Variants in PSD3 observed in about 807,000 individuals in gnomAD.
The protein encoded by PSD3 is pleckstrin and Sec7 domain containing 3.
A neutral mutation model predicts 105.5 loss-of-function variants in PSD3; 49 were observed. The observed-to-expected ratio is 0.46, with a 90% CI of 0.37 to 0.59. The LOEUF (loss-of-function observed/expected upper bound fraction) is 0.59. Ranked by LOEUF, PSD3 falls within the 20% of genes least tolerant of loss-of-function variation. The pLI is 0.00. For missense variants in PSD3, 1,561 were observed against 1,263.8 expected (o/e 1.24, Z -3.57); for synonymous variants, 557 against 457.8 (o/e 1.22, Z -2.77).
intron 12 of PSD3, among the ~76,000 whole-genome samples, chr8:18,582,714 T>C (rs937945569): frequency 4.0e-5 from 6 of 151,826 alleles, no homozygotes; most frequent in Non-Finnish European, 4.4e-5. Context: ...GAGCTATGTT[T>C]CCCCCTCCAT....
chr8:18,602,080 A>G (rs1804478860), intron 11 of PSD3, among the ~76,000 whole-genome samples: 1 of 152,200 alleles, frequency 6.6e-6, no homozygotes, highest in Non-Finnish European at 1.5e-5. Context: ...TAATGCTGGA[A>G]TGGAACCTGG....
rs548759983 is a variant in PSD3, at chr8:18,775,542, G to T, written c.2083-10004C>A. 8.6e-5 allele frequency among the ~76,000 whole-genome samples: 13 copies of T among 151,988 alleles called. No homozygotes were observed. The South Asian group carries it at 2.5e-3, about 29-fold the overall frequency. ...TTTTGATAAAAACCATTTTAACTCG[G>T]GTAAAATGATATCTCCTGTGGTTTT... On this transcript the variant is annotated intron_variant, in intron 8 of 15. Transcript: ENST00000327040.
intron 8 of PSD3, among the ~76,000 whole-genome samples, chr8:18,787,832 A>G (rs1809325074): frequency 6.6e-6 from 1 of 152,224 alleles, no homozygotes; most frequent in Non-Finnish European, 1.5e-5. Flanking sequence ...ACATTCCCAT[A>G]AACAATTTTT....
intron 11 of PSD3, among the ~76,000 whole-genome samples, chr8:18,607,857 G>A (rs2130621758): frequency 6.6e-6 from 1 of 152,154 alleles, no homozygotes; most frequent in African/African-American, 2.4e-5. Flanking sequence ...CGGCAGAAGG[G>A]GAAATGATTA....
At chr8:18,592,528 T>C (rs958792048) in intron 12 of PSD3, among the ~76,000 whole-genome samples, 6 of 152,112 alleles carry the variant, frequency 3.9e-5, no homozygotes, top group Non-Finnish European at 8.8e-5. Flanking sequence ...CCAGGATTAA[T>C]GGAAATAAAT....
chr8:18,838,371 G>C (rs1814309122), intron 4 of PSD3, among the ~76,000 whole-genome samples: 1 of 152,146 alleles, frequency 6.6e-6, no homozygotes, highest in South Asian at 2.1e-4. Context: ...ACCCTCCTTT[G>C]TGTCTTCTGC....
chr8:18,821,122 A>C (rs1412330626), intron 4 of PSD3, among the ~76,000 whole-genome samples: 1 of 152,152 alleles, frequency 6.6e-6, no homozygotes, highest in Admixed American at 6.6e-5. Context: ...ACATTCAAAC[A>C]ATGACGGCAT....
At chr8:18,736,338 T>C (rs557107986) in intron 9 of PSD3, among the ~76,000 whole-genome samples, 3 of 152,212 alleles carry the variant, frequency 2.0e-5, no homozygotes, top group African/African-American at 7.2e-5. Context: ...CCCTCAAGGG[T>C]TACTGAAAGA....
chr8:19,036,018 G>T (rs962841311), intron 1 of PSD3, among the ~76,000 whole-genome samples: 1 of 152,094 alleles, frequency 6.6e-6, no homozygotes, highest in African/African-American at 2.4e-5. Context: ...GCCTCCCAAA[G>T]TGCTGGGATT....
chr8:18,789,144 T>C (rs1005244648), intron 8 of PSD3, among the ~76,000 whole-genome samples: 3 of 152,174 alleles, frequency 2.0e-5, no homozygotes, highest in Admixed American at 6.5e-5. Flanking sequence ...GAACTAAAAA[T>C]AGTACCACAG....
Position 19,082,054 on chromosome 8 carries a change from T to A in PSD3, c.324+2152A>T, listed in dbSNP as rs546182523. 5.3e-5 allele frequency among the ~76,000 whole-genome samples: 8 copies of A among 152,328 alleles called. No homozygotes were observed. The South Asian group carries it at 1.7e-3, about 32-fold the overall frequency. On this transcript the variant is annotated intron_variant, in intron 1 of 1. Coordinates refer to the PSD3 transcript ENST00000521475. ...CTTTGCGACAATTCATATAGCTACA[T>A]TCTAAAACATGAAAGGATTGAGTAA...
At chr8:18,667,517 C>CTG (rs1799541179) in intron 9 of PSD3, among the ~76,000 whole-genome samples, 1 of 152,188 alleles carries the variant, frequency 6.6e-6, no homozygotes, top group Admixed American at 6.5e-5. Flanking sequence ...TCCACAAACC[C>CTG]TGAGGTAGAC....
chr8:19,055,402 C>T (rs1036209656), intron 1 of PSD3, among the ~76,000 whole-genome samples: 2 of 152,088 alleles, frequency 1.3e-5, no homozygotes, highest in Non-Finnish European at 2.9e-5. Flanking sequence ...TACAGGCGCC[C>T]GCCACGACGC....
intron 1 of PSD3, among the ~76,000 whole-genome samples, chr8:18,966,090 A>T (rs113596203): frequency 8.6e-5 from 13 of 151,392 alleles, no homozygotes; most frequent in African/African-American, 3.2e-4. Context: ...TACAGCTAGC[A>T]CTCAGTCAGA....
rs75825817 is a variant in PSD3 at position 18,938,863 on chromosome 8, G to A, written c.22-2721C>T. Among the ~76,000 whole-genome samples, 309 of 152,208 alleles carry A rather than the reference G, an allele frequency of 2.0e-3. 1 individual carries two copies. The highest frequency in any genetic ancestry group is 6.9e-3 in the African/African-American group (286 of 41,538). ...ATATATAGATCCTAGATTCACACCC[G>A]AGCAGTCCAAATCTAGAACTCGTGG... On this transcript the variant is annotated intron_variant, in intron 1 of 15. Transcript: ENST00000327040.
At chr8:18,602,988 G>A (rs183293728) in intron 11 of PSD3, among the ~76,000 whole-genome samples, 1 of 152,202 alleles carries the variant, frequency 6.6e-6, no homozygotes, top group Non-Finnish European at 1.5e-5. Context: ...CTTGATGAGA[G>A]GAAGAGTGAA....
intron 1 of PSD3, among the ~76,000 whole-genome samples, chr8:18,946,323 C>T (rs1822852779): frequency 6.6e-6 from 1 of 152,000 alleles, no homozygotes; most frequent in Admixed American, 6.6e-5. Context: ...ATGCTGTAAT[C>T]TCAATGGTTT....
chr8:18,535,517 C>A lies in PSD3; in HGVS notation c.*226G>T. The A allele has an allele frequency of 1.9e-6, 1 of 539,066 alleles. No homozygotes were observed. The highest frequency in any genetic ancestry group is 2.5e-5 in the South Asian group (1 of 39,394). The allele number at this position is 539,066 out of a possible 1,614,324, so 33.4% of individuals were successfully genotyped here. On this transcript the variant is annotated 3_prime_UTR_variant, in exon 16 of 16. Transcript: ENST00000327040. The stretch of plus-strand genomic sequence containing the variant: ...TGAAATCACGATCCCCTCCTCCTCA[C>A]AGAAAAGGTGCATTAGCTATCAAGT...
At chr8:19,034,816 A>C (rs11780253) in intron 1 of PSD3, among the ~76,000 whole-genome samples, 71,853 of 151,972 alleles carry the variant, frequency 0.47, 17,130 homozygotes, top group Middle Eastern at 0.51. Context: ...GGACAAAGCA[A>C]AACTCCCGTT....
Sources: allele counts gnomAD v4.1 joint callset (sites outside exome capture counted in the v4.1 genomes callset), GRCh38; gene constraint gnomAD v4.1.1; transcripts MANE v1.5; gene names NCBI Gene and HGNC (gene_info 2026-07-23, HGNC 2026-07-21).